KCNH1: variants seen among roughly 807,000 people sequenced by gnomAD.
KCNH1 encodes the protein voltage-gated delayed rectifier potassium channel KCNH1.
In KCNH1, 27 loss-of-function variants were observed where a neutral mutation model predicts 69.2. The observed-to-expected ratio is 0.39, with a 90% CI of 0.29 to 0.54. The LOEUF is 0.54. Ranked by LOEUF, KCNH1 falls within the 20% of genes least tolerant of loss-of-function variation. The probability of loss-of-function intolerance (pLI) is 0.68; values close to 1 mark genes in which losing one functional copy is unlikely to be tolerated. For missense variants in KCNH1, 798 were observed against 1,261.6 expected, an observed-to-expected ratio of 0.63 and a Z score of 5.57; for synonymous variants, 456 against 487.7, an observed-to-expected ratio of 0.93 and a Z score of 0.86.
intron 6 of KCNH1, among the ~76,000 whole-genome samples, chr1:211,017,797 T>C (rs972705897): frequency 6.6e-6 from 1 of 152,168 alleles, no homozygotes; most frequent in African/African-American, 2.4e-5. Context: ...ATTTCATCCA[T>C]TGCCTGCAGG....
chr1:210,820,605 G>C (rs1453718478), intron 7 of KCNH1, among the ~76,000 whole-genome samples: 1 of 152,124 alleles, frequency 6.6e-6, no homozygotes, highest in Non-Finnish European at 1.5e-5. Context: ...CTACACTCCA[G>C]CCTGGGCGAC....
intron 6 of KCNH1, among the ~76,000 whole-genome samples, chr1:211,011,685 C>T (rs1689397647): frequency 6.6e-6 from 1 of 152,170 alleles, no homozygotes; most frequent in Non-Finnish European, 1.5e-5. Flanking sequence ...GCAGGATCGA[C>T]TTCCTGCTGT....
chr1:210,867,360 CACATATAT>C (rs1053489703), intron 7 of KCNH1, among the ~76,000 whole-genome samples: 2 of 116,730 alleles, frequency 1.7e-5, no homozygotes, highest in Non-Finnish European at 1.9e-5. Flanking sequence ...CACACACACA[CACATATAT>C]ATATATATAT....
chr1:210,854,285 A>G (rs1171131024), intron 7 of KCNH1, among the ~76,000 whole-genome samples: 1 of 152,218 alleles, frequency 6.6e-6, no homozygotes, highest in African/African-American at 2.4e-5. Context: ...ACAAAAATAG[A>G]AGGGGTATCC....
chr1:210,886,801 T>C (rs1274999884), intron 7 of KCNH1, among the ~76,000 whole-genome samples: 1 of 151,824 alleles, frequency 6.6e-6, no homozygotes, highest in African/African-American at 2.4e-5. Context: ...ATATCAGAGA[T>C]TGAAGATCAA....
intron 6 of KCNH1, among the ~76,000 whole-genome samples, chr1:210,987,752 T>G (rs1265370596): frequency 1.3e-5 from 2 of 152,220 alleles, no homozygotes; most frequent in African/African-American, 4.8e-5. Context: ...GAGGAGGCAG[T>G]CTGCCTGTTC....
intron 7 of KCNH1, among the ~76,000 whole-genome samples, chr1:210,833,353 A>G (rs1048343263): frequency 3.9e-5 from 6 of 152,172 alleles, no homozygotes; most frequent in Non-Finnish European, 7.3e-5. Context: ...TCAATGGAAC[A>G]GAACAGAGGC....
intron 5 of KCNH1, among the ~76,000 whole-genome samples, chr1:211,082,040 T>A (rs1690868557): frequency 6.6e-6 from 1 of 152,070 alleles, no homozygotes; most frequent in Non-Finnish European, 1.5e-5. Flanking sequence ...AGGCAGATAA[T>A]GACAAGTTGG....
chr1:210,792,648 A>G (rs1684231894), intron 9 of KCNH1, among the ~76,000 whole-genome samples: 1 of 151,978 alleles, frequency 6.6e-6, no homozygotes, highest in South Asian at 2.1e-4. Flanking sequence ...TCACTGCTTG[A>G]TGCAGCCTGG....
rs1681257005 is a variant in KCNH1 at position 210,681,195 on chromosome 1, G to C, written c.*2086C>G. Reference sequence around the variant, plus strand: ...AAATGGCAGACTAGAATGTTAGGGGGCAGCCAACAGATGGGATTCCAGATA... The same window carrying C: ...AAATGGCAGACTAGAATGTTAGGGGCCAGCCAACAGATGGGATTCCAGATA... On this transcript the variant is annotated 3_prime_UTR_variant, in exon 11 of 11. Transcript: ENST00000271751. 6.6e-6 allele frequency: 1 copy of C among 152,222 alleles called. No homozygotes were observed. The highest frequency in any genetic ancestry group is 1.9e-4 in the East Asian group (1 of 5,198). The allele number at this position is 152,222 out of a possible 1,614,324, so 9.4% of individuals were successfully genotyped here.
intron 5 of KCNH1, among the ~76,000 whole-genome samples, chr1:211,079,553 A>C (rs1690811665): frequency 6.6e-6 from 1 of 152,256 alleles, no homozygotes; most frequent in African/African-American, 2.4e-5. Context: ...ATAAACATTG[A>C]TGTGAAAATC....
At chr1:210,759,581 A>G (rs367755437) in intron 10 of KCNH1, among the ~76,000 whole-genome samples, 1 of 152,150 alleles carries the variant, frequency 6.6e-6, no homozygotes, top group Non-Finnish European at 1.5e-5. Context: ...GAACTCTAAG[A>G]TAGGTCCTTT....
chr1:210,685,442 C>A (rs547675967), intron 10 of KCNH1, among the ~76,000 whole-genome samples: 39 of 152,274 alleles, frequency 2.6e-4, no homozygotes, highest in African/African-American at 9.1e-4. Context: ...CAGGGACTTG[C>A]CACAGGACCG....
chr1:210,796,442 GC>G (rs1469497105), intron 9 of KCNH1, among the ~76,000 whole-genome samples: 2 of 152,094 alleles, frequency 1.3e-5, no homozygotes, highest in African/African-American at 4.8e-5. Context: ...ACGATGGCTT[GC>G]CCCTTTAAAG....
chr1:210,922,108 G>A lies in KCNH1; in HGVS notation c.1033-2039C>T, dbSNP rs533807277. 7.9e-5 allele frequency among the ~76,000 whole-genome samples: 12 copies of A among 151,966 alleles called. No individual in the cohort carries two copies. The South Asian group carries it at 2.1e-3, about 26-fold the overall frequency. ...TAAAAAAAAAACTGACGGGCCAGGC[G>A]CGGTGGCTCATGCCTGTAATCCCAG... On this transcript the variant is annotated intron_variant, in intron 6 of 10. Coordinates refer to ENST00000271751, the MANE Select transcript of KCNH1 (RefSeq NM_172362.3).
intron 5 of KCNH1, among the ~76,000 whole-genome samples, chr1:211,026,833 C>T (rs1344174604): frequency 6.6e-6 from 1 of 152,118 alleles, no homozygotes; most frequent in African/African-American, 2.4e-5. Flanking sequence ...GTAAGCTTAG[C>T]GAGGAGCTGG....
At chr1:210,907,157 C>T (rs554803459) in intron 7 of KCNH1, among the ~76,000 whole-genome samples, 11 of 152,182 alleles carry the variant, frequency 7.2e-5, no homozygotes, top group African/African-American at 2.4e-4. Flanking sequence ...AAGGCTGAAA[C>T]TTACTTATAT....
intron 10 of KCNH1, among the ~76,000 whole-genome samples, chr1:210,750,339 G>A (rs918515928): frequency 3.9e-5 from 6 of 152,264 alleles, no homozygotes; most frequent in Non-Finnish European, 7.3e-5. Flanking sequence ...GTACACACAC[G>A]AGGACTTGCA....
chr1:210,845,494 T>C (rs1272069977), intron 7 of KCNH1, among the ~76,000 whole-genome samples: 8 of 152,114 alleles, frequency 5.3e-5, no homozygotes, highest in Admixed American at 3.3e-4. Context: ...ATTATCTCAA[T>C]AGATGCAGAA....
Sources: allele counts gnomAD v4.1 joint callset (sites outside exome capture counted in the v4.1 genomes callset), GRCh38; gene constraint gnomAD v4.1.1; transcripts MANE v1.5; gene names NCBI Gene and HGNC (gene_info 2026-07-23, HGNC 2026-07-21).